MEGF10: variants seen among roughly 807,000 people sequenced by gnomAD.
MEGF10 encodes the protein multiple epidermal growth factor-like domains protein 10.
Under a neutral mutation model 147.5 loss-of-function variants are expected in MEGF10, and 86 were observed. The observed-to-expected ratio is 0.58, with a 90% CI of 0.49 to 0.70. MEGF10 has a LOEUF of 0.70. Ranked by LOEUF, MEGF10 falls within the 30% of genes least tolerant of loss-of-function variation. MEGF10 has a pLI of 0.00. For synonymous variants in MEGF10, 478 were observed against 525.5 expected, an observed-to-expected ratio of 0.91 and a Z score of 1.24; for missense variants, 1,329 against 1,487.3, an observed-to-expected ratio of 0.89 and a Z score of 1.75.
intron 22 of MEGF10, among the ~76,000 whole-genome samples, chr5:127,451,046 A>T (rs928354080): frequency 3.9e-5 from 6 of 152,204 alleles, no homozygotes; most frequent in African/African-American, 1.4e-4. Flanking sequence ...GGCATGAGCC[A>T]CCACACTTGG....
intron 1 of MEGF10, among the ~76,000 whole-genome samples, chr5:127,314,023 C>T (rs1351813723): frequency 6.6e-6 from 1 of 152,128 alleles, no homozygotes; most frequent in Non-Finnish European, 1.5e-5. Flanking sequence ...GTTGGCCAAC[C>T]AAGGGCGGCC....
chr5:127,297,165 C>T (rs912928528), intron 1 of MEGF10, among the ~76,000 whole-genome samples: 35 of 152,096 alleles, frequency 2.3e-4, no homozygotes, highest in African/African-American at 7.7e-4. Flanking sequence ...CGAGGTTTTG[C>T]CATATTGGCC....
intron 5 of MEGF10, among the ~76,000 whole-genome samples, chr5:127,384,405 T>G (rs1763358622): frequency 6.6e-6 from 1 of 152,240 alleles, no homozygotes; most frequent in African/African-American, 2.4e-5. Context: ...GTTATTCTTC[T>G]TTTCACATCA....
At chr5:127,354,927 T>C (rs567515991) in intron 4 of MEGF10, among the ~76,000 whole-genome samples, 1 of 152,094 alleles carries the variant, frequency 6.6e-6, no homozygotes, top group East Asian at 1.9e-4. Flanking sequence ...CTTGAGCAAA[T>C]TGGGCACGGC....
intron 22 of MEGF10, among the ~76,000 whole-genome samples, 185 bp downstream of exon 22, chr5:127,449,407 C>T (rs1766073322): frequency 6.6e-6 from 1 of 152,160 alleles, no homozygotes; most frequent in Non-Finnish European, 1.5e-5. Flanking sequence ...ATTCAACAAA[C>T]ATTTATTGAG....
chr5:127,245,884 G>A, the MEGF10 span, among the ~76,000 whole-genome samples: 1 of 152,172 alleles, frequency 6.6e-6, no homozygotes, highest in South Asian at 2.1e-4. Flanking sequence ...TTAGAGAAAT[G>A]CAAATCAAAA....
At chr5:127,270,548 A>G in the MEGF10 span, among the ~76,000 whole-genome samples, 1 of 152,356 alleles carries the variant, frequency 6.6e-6, no homozygotes, top group Admixed American at 6.5e-5. Flanking sequence ...TTAAATATAT[A>G]TGCACCCAAT....
At chr5:127,453,703 T>C (rs1238469332) in intron 22 of MEGF10, among the ~76,000 whole-genome samples, 1 of 152,196 alleles carries the variant, frequency 6.6e-6, no homozygotes, top group African/African-American at 2.4e-5. Flanking sequence ...ACAGCTCCAA[T>C]AGAATAATTG....
intron 16 of MEGF10, among the ~76,000 whole-genome samples, chr5:127,437,181 G>A (rs370296032): frequency 2.6e-5 from 4 of 152,166 alleles, no homozygotes; most frequent in African/African-American, 9.7e-5. Flanking sequence ...CATCAAATGG[G>A]CTAGACGCTT....
intron 5 of MEGF10, among the ~76,000 whole-genome samples, chr5:127,388,517 T>TTTATTTA (rs1763521490): frequency 7.0e-6 from 1 of 141,970 alleles, no homozygotes; most frequent in Admixed American, 7.0e-5. Flanking sequence ...TCTTTTTTCT[T>TTTATTTA]TTTATTTATT....
chr5:127,333,834 T>G (rs1337175763), intron 2 of MEGF10, among the ~76,000 whole-genome samples: 1 of 152,164 alleles, frequency 6.6e-6, no homozygotes, highest in Non-Finnish European at 1.5e-5. Context: ...AGGGGCACAT[T>G]AATCTCTAAA....
chr5:127,456,463 G>A (rs986053915), intron 24 of MEGF10, among the ~76,000 whole-genome samples: 2 of 151,968 alleles, frequency 1.3e-5, no homozygotes, highest in South Asian at 2.1e-4. Context: ...GTCTCTCTGA[G>A]TATTTATGAT....
At chr5:127,247,697 G>T in the MEGF10 span, among the ~76,000 whole-genome samples, 3 of 152,084 alleles carry the variant, frequency 2.0e-5, no homozygotes, top group African/African-American at 7.2e-5. Flanking sequence ...GAAATAACAT[G>T]AGGCAAGCAC....
rs1766430217 is a variant in MEGF10 at position 127,458,061 on chromosome 5, C to A, written c.*743C>A. ...GTTTGACTCTCAACCAACTTCAGAT[C>A]TATGACATTATTCTGATCACTGGCT... On this transcript the variant is annotated 3_prime_UTR_variant, in exon 25 of 25. Transcript: ENST00000503335. 6.6e-6 allele frequency: 1 copy of A among 152,218 alleles called. No homozygotes were observed. Among genetic ancestry groups the A allele is most frequent in the Non-Finnish European group, 1.5e-5 (1 of 68,036 alleles). 9.4% of individuals were successfully genotyped at this position (152,218 alleles called of 1,614,324 possible).
the MEGF10 span, among the ~76,000 whole-genome samples, chr5:127,267,213 C>A: frequency 1.3e-5 from 2 of 152,054 alleles, 1 homozygote; most frequent in African/African-American, 4.8e-5. Flanking sequence ...TGTTTATATG[C>A]TGGATTACAT....
intron 1 of MEGF10, among the ~76,000 whole-genome samples, chr5:127,314,447 G>C (rs1391814771): frequency 2.0e-5 from 3 of 152,192 alleles, no homozygotes; most frequent in Admixed American, 1.3e-4. Context: ...GCAGCCCAAG[G>C]CAATGGAGAA....
At chr5:127,398,502 G>A (rs1269456428) in intron 6 of MEGF10, among the ~76,000 whole-genome samples, 174 bp from the exon 7 acceptor site, 2 of 152,184 alleles carry the variant, frequency 1.3e-5, no homozygotes, top group East Asian at 1.9e-4. Flanking sequence ...AGGACTGGGT[G>A]ACTCCTCAAA....
intron 22 of MEGF10, among the ~76,000 whole-genome samples, chr5:127,452,193 AT>A (rs1475446834): frequency 6.6e-6 from 1 of 152,212 alleles, no homozygotes; most frequent in East Asian, 1.9e-4. Context: ...GTCTGGCCTC[AT>A]AGCCCCAGCT....
At chr5:127,397,974 C>T (rs893585057) in intron 6 of MEGF10, among the ~76,000 whole-genome samples, 2 of 149,798 alleles carry the variant, frequency 1.3e-5, no homozygotes, top group Non-Finnish European at 3.0e-5. Flanking sequence ...AACAGAAAAC[C>T]AAACACCGCA....
Sources: gnomAD v4.1 joint callset for allele counts (sites outside exome capture counted in the v4.1 genomes callset) on GRCh38, gnomAD v4.1.1 for gene constraint, MANE v1.5 for transcripts, NCBI Gene and HGNC (gene_info 2026-07-23, HGNC 2026-07-21) for gene names.